The following GRM7 variants were observed in gnomAD, a reference collection of about 807,000 sequenced individuals.
GRM7 encodes glutamate metabotropic receptor 7.
Under a neutral mutation model 84.5 loss-of-function variants are expected in GRM7, and 35 were observed. The ratio of observed to expected loss-of-function variants is 0.41; its 90% CI spans 0.32 to 0.55. GRM7 has a LOEUF of 0.55. Ranked by LOEUF, GRM7 falls within the 20% of genes least tolerant of loss-of-function variation. The probability of loss-of-function intolerance (pLI) is 0.19; values close to 1 mark genes in which losing one functional copy is unlikely to be tolerated. For synonymous variants in GRM7, 487 were observed against 455.1 expected, an observed-to-expected ratio of 1.07 and a Z score of -0.89; for missense variants, 1,003 against 1,194.6, an observed-to-expected ratio of 0.84 and a Z score of 2.36.
At chr3:7,626,924 CTTTTT>C (rs34233877) in intron 8 of GRM7, among the ~76,000 whole-genome samples, 1 of 143,516 alleles carries the variant, frequency 7.0e-6, no homozygotes, top group Non-Finnish European at 1.5e-5. Flanking sequence ...ATGAGCACCT[CTTTTT>C]TTTTTTTTTT....
chr3:7,614,147 C>T (rs538244657), intron 8 of GRM7, among the ~76,000 whole-genome samples: 15 of 152,166 alleles, frequency 9.9e-5, no homozygotes, highest in South Asian at 4.2e-4. Flanking sequence ...TACCTGTAAT[C>T]GCAGCTACTC....
intron 1 of GRM7, among the ~76,000 whole-genome samples, chr3:7,071,431 C>G (rs960413790): frequency 1.3e-5 from 2 of 152,028 alleles, no homozygotes; most frequent in Admixed American, 6.6e-5. Flanking sequence ...CTAGCCATTC[C>G]AGAGGTGAAG....
At chr3:7,666,774 A>G (rs1699720727) in intron 8 of GRM7, among the ~76,000 whole-genome samples, 2 of 152,128 alleles carry the variant, frequency 1.3e-5, no homozygotes, top group Admixed American at 1.3e-4. Context: ...TATTACATAT[A>G]TTATATATTG....
chr3:7,626,030 G>A (rs932187015), intron 8 of GRM7, among the ~76,000 whole-genome samples: 2 of 152,126 alleles, frequency 1.3e-5, no homozygotes, highest in African/African-American at 4.8e-5. Flanking sequence ...TGGGAGGCAT[G>A]TTCTTAGGCA....
chr3:7,058,593 G>C (rs1170037228), intron 1 of GRM7, among the ~76,000 whole-genome samples: 1 of 151,830 alleles, frequency 6.6e-6, no homozygotes, highest in African/African-American at 2.4e-5. Context: ...TGTTAGAAAT[G>C]CTTGTTCCTC....
chr3:7,633,270 TA>T (rs1219417321), intron 8 of GRM7, among the ~76,000 whole-genome samples: 1 of 152,246 alleles, frequency 6.6e-6, no homozygotes, highest in Non-Finnish European at 1.5e-5. Context: ...CTAGTCATGA[TA>T]CTAACTCATT....
chr3:7,645,702 A>T (rs984958680), intron 8 of GRM7, among the ~76,000 whole-genome samples: 3 of 152,174 alleles, frequency 2.0e-5, no homozygotes, highest in Admixed American at 6.5e-5. Flanking sequence ...TGTTGGAAGC[A>T]GCAGTGTGGT....
At chr3:7,666,500 A>G (rs1699708038) in intron 8 of GRM7, among the ~76,000 whole-genome samples, 1 of 152,206 alleles carries the variant, frequency 6.6e-6, no homozygotes, top group East Asian at 1.9e-4. Flanking sequence ...GTGCAGAATT[A>G]TTTGGAGGGA....
At chr3:6,947,141 A>G (rs563706491) in intron 1 of GRM7, among the ~76,000 whole-genome samples, 81 of 152,220 alleles carry the variant, frequency 5.3e-4, no homozygotes, top group Non-Finnish European at 9.6e-4. Flanking sequence ...AGTTTTCAAA[A>G]GGAATGCTTC....
intron 1 of GRM7, among the ~76,000 whole-genome samples, chr3:7,123,782 A>G (rs1352658875): frequency 6.6e-6 from 1 of 152,192 alleles, no homozygotes; most frequent in African/African-American, 2.4e-5. Flanking sequence ...TTCTAAAAGA[A>G]CAATATAAAT....
At chr3:7,384,378 G>A (rs1694705206) in intron 4 of GRM7, among the ~76,000 whole-genome samples, 2 of 151,974 alleles carry the variant, frequency 1.3e-5, no homozygotes, top group Admixed American at 6.5e-5. Context: ...TAAATATTTG[G>A]ATAATTGAAA....
intron 7 of GRM7, among the ~76,000 whole-genome samples, chr3:7,577,552 C>T (rs1276842860): frequency 6.6e-6 from 1 of 152,158 alleles, no homozygotes; most frequent in Non-Finnish European, 1.5e-5. Context: ...AGGAGATTTC[C>T]ACCCAACAGT....
At chr3:7,649,930 AATAG>A (rs1698847971) in intron 8 of GRM7, among the ~76,000 whole-genome samples, 1 of 152,168 alleles carries the variant, frequency 6.6e-6, no homozygotes, top group African/African-American at 2.4e-5. Context: ...TAGTGGTGAT[AATAG>A]ATTGTTATTT....
intron 1 of GRM7, among the ~76,000 whole-genome samples, chr3:7,115,516 A>T (rs909494660): frequency 7.2e-5 from 11 of 152,152 alleles, no homozygotes; most frequent in Admixed American, 7.2e-4. Flanking sequence ...AGGAATATTG[A>T]CAAGAGCCTT....
chr3:7,038,492 GA>G (rs1696467638), intron 1 of GRM7, among the ~76,000 whole-genome samples: 2 of 152,192 alleles, frequency 1.3e-5, no homozygotes, highest in African/African-American at 4.8e-5. Flanking sequence ...GGCTGCCTAT[GA>G]AAATCCTCAG....
chr3:7,701,318 T>TTTTTA (rs71043691), intron 9 of GRM7, among the ~76,000 whole-genome samples: 1 of 130,318 alleles, frequency 7.7e-6, no homozygotes, highest in African/African-American at 2.9e-5. Context: ...TTTTTTTTTT[T>TTTTTA]GAGACGGAAT....
chr3:6,977,891 A>G (rs1694060118), intron 1 of GRM7, among the ~76,000 whole-genome samples: 1 of 152,178 alleles, frequency 6.6e-6, no homozygotes, highest in Admixed American at 6.5e-5. Context: ...TTCCCTAAAA[A>G]TGAACTGGGA....
intron 8 of GRM7, among the ~76,000 whole-genome samples, chr3:7,595,513 TATG>T (rs1337479962): frequency 2.6e-5 from 4 of 152,194 alleles, no homozygotes; most frequent in African/African-American, 9.6e-5. Flanking sequence ...AATGCTGTGA[TATG>T]ATGGGAGGGA....
chr3:7,619,705 T>C (rs1054591585), intron 8 of GRM7, among the ~76,000 whole-genome samples: 1 of 152,034 alleles, frequency 6.6e-6, no homozygotes, highest in Non-Finnish European at 1.5e-5. Context: ...AGATTCAGTG[T>C]GGGGTGCTTA....
Sources: allele counts gnomAD v4.1 joint callset (sites outside exome capture counted in the v4.1 genomes callset), GRCh38; gene constraint gnomAD v4.1.1; transcripts MANE v1.5; gene names NCBI Gene and HGNC (gene_info 2026-07-23, HGNC 2026-07-21).